Variants in DIS3L2 observed in about 807,000 individuals in gnomAD.
The protein encoded by DIS3L2 is DIS3 like 3'-5' exoribonuclease 2.
DIS3L2 carries 34 observed loss-of-function variants against 97.5 expected under a neutral mutation model. The ratio of observed to expected loss-of-function variants is 0.35; its 90% CI spans 0.27 to 0.46. DIS3L2 has a LOEUF of 0.46. Among genes scored for constraint, DIS3L2 ranks in the 20% least tolerant of loss-of-function variants. The probability of loss-of-function intolerance (pLI) is 1.00; values close to 1 mark genes in which losing one functional copy is unlikely to be tolerated. For missense variants in DIS3L2, 1,038 were observed against 1,146.0 expected, an observed-to-expected ratio of 0.91 and a Z score of 1.36; for synonymous variants, 435 against 445.2, an observed-to-expected ratio of 0.98 and a Z score of 0.29.
rs866795539 is a variant in DIS3L2, at chr2:232,247,619, G to T, written c.1318-1620G>T. Among the ~76,000 whole-genome samples, 214 of 34,828 alleles carry T rather than the reference G, an allele frequency of 6.1e-3. 6 individuals carry two copies. Among genetic ancestry groups the T allele is most frequent in the Middle Eastern group, 0.01 (1 of 100 alleles). The allele number at this position is 34,828 out of a possible 152,430, so 22.8% of individuals were successfully genotyped here. ...GGGCTTCAACATATAACTGCCGCGG[G>T]GGGGGGGGGGGGGGGGCGGGGGGGA... On this transcript the variant is annotated intron_variant, in intron 11 of 20. Coordinates refer to ENST00000325385, the MANE Select transcript of DIS3L2 (RefSeq NM_152383.5).
intron 1 of DIS3L2, among the ~76,000 whole-genome samples, chr2:231,996,592 C>T (rs1204383256): frequency 1.3e-5 from 2 of 152,172 alleles, no homozygotes; most frequent in African/African-American, 4.8e-5. Context: ...GAGAATAGTG[C>T]ATAACCCAAA....
intron 8 of DIS3L2, among the ~76,000 whole-genome samples, chr2:232,138,029 A>G (rs981325042): frequency 2.0e-5 from 3 of 152,206 alleles, no homozygotes; most frequent in Non-Finnish European, 4.4e-5. Flanking sequence ...ACATCAAACC[A>G]GGAAATCCAG....
At chr2:232,271,446 C>A (rs1458603945) in intron 13 of DIS3L2, among the ~76,000 whole-genome samples, 1 of 152,168 alleles carries the variant, frequency 6.6e-6, no homozygotes, top group Non-Finnish European at 1.5e-5. Flanking sequence ...TGCTACACTT[C>A]TCTTGAAAGT....
intron 12 of DIS3L2, among the ~76,000 whole-genome samples, chr2:232,256,963 C>T (rs1449342100): frequency 6.6e-6 from 1 of 151,900 alleles, no homozygotes; most frequent in Non-Finnish European, 1.5e-5. Flanking sequence ...ACTAAAAATA[C>T]AAAAATTAGC....
chr2:232,007,833 A>G (rs79266678), intron 1 of DIS3L2, among the ~76,000 whole-genome samples: 2 of 152,324 alleles, frequency 1.3e-5, no homozygotes, highest in East Asian at 3.9e-4. Context: ...TATGGTATCA[A>G]GGGAATACTG....
rs566024933 is a variant in DIS3L2, at chr2:232,095,262, G to A, written c.601+7541G>A. 2.8e-3 allele frequency among the ~76,000 whole-genome samples: 427 copies of A among 152,192 alleles called. 1 individual carries two copies. Among genetic ancestry groups the A allele is most frequent in the Non-Finnish European group, 4.7e-3 (317 of 67,992 alleles). ...TCTTCCTGTCTTCCTTTTAGTGAAA[G>A]TGATTTTTCTCTGGTAATATGATAT... On this transcript the variant is annotated intron_variant, in intron 6 of 20. Coordinates refer to ENST00000325385, the MANE Select transcript of DIS3L2 (RefSeq NM_152383.5).
At chr2:232,286,253 TG>T (rs1694428629) in intron 13 of DIS3L2, among the ~76,000 whole-genome samples, 1 of 152,192 alleles carries the variant, frequency 6.6e-6, no homozygotes, top group African/African-American at 2.4e-5. Flanking sequence ...CTAGCGTCAC[TG>T]GGTCATAAAA....
chr2:232,316,755 T>C (rs1695287221), intron 14 of DIS3L2, among the ~76,000 whole-genome samples: 1 of 152,248 alleles, frequency 6.6e-6, no homozygotes, highest in East Asian at 1.9e-4. Flanking sequence ...AAGCAAGATA[T>C]TGTGCTTATT....
At chr2:232,332,435 CAGGGAGCA>C (rs1695765674) in intron 16 of DIS3L2, among the ~76,000 whole-genome samples, 1 of 151,986 alleles carries the variant, frequency 6.6e-6, no homozygotes. Context: ...GTACAGCAGC[CAGGGAGCA>C]AGGGAGCCAG....
At chr2:232,011,154 C>T (rs1213356760) in intron 1 of DIS3L2, among the ~76,000 whole-genome samples, 1 of 152,072 alleles carries the variant, frequency 6.6e-6, no homozygotes, top group Non-Finnish European at 1.5e-5. Context: ...TAACTATTTC[C>T]ATGGTAGGAC....
intron 13 of DIS3L2, among the ~76,000 whole-genome samples, chr2:232,289,931 A>G (rs1363639845): frequency 6.6e-6 from 1 of 152,240 alleles, no homozygotes; most frequent in South Asian, 2.1e-4. Context: ...AGTATATTCT[A>G]TATGCAAGGA....
chr2:231,982,590 A>G (rs1358446531), intron 1 of DIS3L2, among the ~76,000 whole-genome samples: 2 of 152,046 alleles, frequency 1.3e-5, no homozygotes, highest in African/African-American at 4.8e-5. Context: ...CCATTTAGTG[A>G]GAAATCTTTT....
chr2:232,136,320 C>G, intron 7 of DIS3L2, 152 bp from the exon 8 acceptor site: 1 of 911,740 alleles, frequency 1.1e-6, no homozygotes, highest in Non-Finnish European at 1.7e-6. Context: ...ATATAGATTA[C>G]TAAGTCACAG....
At chr2:232,158,105 C>G (rs1235433121) in intron 8 of DIS3L2, among the ~76,000 whole-genome samples, 3 of 152,180 alleles carry the variant, frequency 2.0e-5, no homozygotes, top group Non-Finnish European at 2.9e-5. Flanking sequence ...TCAGGTTGTC[C>G]TTCCTCAGCT....
chr2:232,251,206 T>G (rs943041406), intron 12 of DIS3L2, among the ~76,000 whole-genome samples: 11 of 151,892 alleles, frequency 7.2e-5, no homozygotes, highest in Non-Finnish European at 1.2e-4. Context: ...GAAAATGAAG[T>G]AAACAGGAAA....
chr2:232,166,072 CAATAAATAAATAAATA>C (rs111484613), intron 9 of DIS3L2, among the ~76,000 whole-genome samples: 3,184 of 138,120 alleles, frequency 0.023, 116 homozygotes, highest in African/African-American at 0.079. Context: ...CCTGTCTCTA[CAATAAATAAATAAATA>C]AATAAATAAA....
intron 10 of DIS3L2, among the ~76,000 whole-genome samples, chr2:232,236,446 A>G (rs1574963685): frequency 6.6e-6 from 1 of 152,330 alleles, no homozygotes; most frequent in East Asian, 1.9e-4. Flanking sequence ...GTCCACAGGT[A>G]GACTAGTTTC....
chr2:232,146,552 G>A (rs1690220606), intron 8 of DIS3L2, among the ~76,000 whole-genome samples: 1 of 152,186 alleles, frequency 6.6e-6, no homozygotes, highest in Admixed American at 6.5e-5. Context: ...GTTTCTCTAT[G>A]GTTGTGAAGA....
At chr2:232,075,313 T>C (rs941853907) in intron 5 of DIS3L2, among the ~76,000 whole-genome samples, 1 of 152,230 alleles carries the variant, frequency 6.6e-6, no homozygotes, top group East Asian at 1.9e-4. Context: ...AGTTAATGTG[T>C]ATAAAAGCAC....
Sources: allele counts gnomAD v4.1 joint callset (sites outside exome capture counted in the v4.1 genomes callset), GRCh38; gene constraint gnomAD v4.1.1; transcripts MANE v1.5; gene names NCBI Gene and HGNC (gene_info 2026-07-23, HGNC 2026-07-21).